Variants in CXADR observed in about 807,000 individuals in gnomAD.
The protein encoded by CXADR is CXADR cell adhesion molecule.
CXADR carries 20 observed loss-of-function variants against 40.3 expected under a neutral mutation model. The observed-to-expected ratio is 0.50, with a 90% CI of 0.35 to 0.72. The LOEUF (loss-of-function observed/expected upper bound fraction) is 0.72. Among genes scored for constraint, CXADR ranks in the 30% least tolerant of loss-of-function variants. CXADR has a pLI of 0.01. For missense variants in CXADR, 332 were observed against 449.1 expected, an observed-to-expected ratio of 0.74 and a Z score of 2.36; for synonymous variants, 150 against 161.3, an observed-to-expected ratio of 0.93 and a Z score of 0.53.
intron 1 of CXADR, among the ~76,000 whole-genome samples, chr21:17,520,630 C>G (rs2060519156): frequency 6.6e-6 from 1 of 152,140 alleles, no homozygotes; most frequent in Admixed American, 6.5e-5. Flanking sequence ...TGTAGCAGTT[C>G]TCAAGGAAGG....
chr21:17,568,557 CTTTTTTT>C lies in CXADR; in HGVS notation c.*2876_*2882del. ...TTACTGTAGAATATATAGTTCTGTA[CTTTTTTT>C]TTTTTTTTTTAAGAGATAGGGTTTC... On this transcript the variant is annotated 3_prime_UTR_variant, in exon 7 of 7. Coordinates refer to ENST00000284878, the MANE Select transcript of CXADR (RefSeq NM_001338.5). The C allele has an allele frequency of 3.4e-6, 3 of 879,894 alleles. No individual in the cohort carries two copies. Among genetic ancestry groups the C allele is most frequent in the Non-Finnish European group, 4.0e-6 (3 of 744,594 alleles). The allele number at this position is 879,894 out of a possible 1,614,324, so 54.5% of individuals were successfully genotyped here. A position where few individuals can be genotyped will look rare whatever the true frequency, so the allele number is the denominator to read the frequency against.
At chr21:17,618,081 G>T in the CXADR span, among the ~76,000 whole-genome samples, 1 of 152,144 alleles carries the variant, frequency 6.6e-6, no homozygotes, top group Non-Finnish European at 1.5e-5. Flanking sequence ...GCCAGGCACC[G>T]TGGCTCACAC....
intron 1 of CXADR, among the ~76,000 whole-genome samples, chr21:17,532,642 G>A (rs1465096393): frequency 2.0e-5 from 3 of 149,904 alleles, no homozygotes; most frequent in African/African-American, 4.8e-5. Context: ...GGAAGGCACT[G>A]CTAAATGCCT....
intron 6 of CXADR, among the ~76,000 whole-genome samples, chr21:17,562,112 A>G (rs186641138): frequency 1.6e-4 from 25 of 151,620 alleles, no homozygotes; most frequent in Admixed American, 1.6e-3. Context: ...TAAAATGTGC[A>G]GTAGCATTAT....
the CXADR span, among the ~76,000 whole-genome samples, chr21:17,607,044 C>G: frequency 2.0e-5 from 3 of 152,184 alleles, no homozygotes; most frequent in Admixed American, 2.0e-4. Context: ...ACTGAAGTCT[C>G]TACTAACTTG....
At chr21:17,545,153 C>CTA (rs1600993191) in intron 1 of CXADR, among the ~76,000 whole-genome samples, 1 of 141,964 alleles carries the variant, frequency 7.0e-6, no homozygotes, top group Non-Finnish European at 1.5e-5. Flanking sequence ...TGAACCATAC[C>CTA]ATATCTTAGT....
downstream of CXADR, among the ~76,000 whole-genome samples, chr21:17,596,791 A>G (rs960239028): frequency 3.9e-5 from 6 of 152,098 alleles, no homozygotes; most frequent in African/African-American, 1.2e-4. Context: ...TAAGATGTTC[A>G]TTGATACTGA....
At chr21:17,574,719 G>C (rs2824372), downstream of CXADR, among the ~76,000 whole-genome samples, 27,406 of 152,086 alleles carry the variant, frequency 0.18, 2,602 homozygotes, top group East Asian at 0.25. Flanking sequence ...AGAAGTAAAG[G>C]TAGTGATCAG....
chr21:17,573,253 T>C (rs1033096273), downstream of CXADR, among the ~76,000 whole-genome samples: 2 of 152,122 alleles, frequency 1.3e-5, no homozygotes, highest in African/African-American at 2.4e-5. Context: ...CTCAACTAAT[T>C]GCGTCTGTAG....
intron 7 of CXADR, among the ~76,000 whole-genome samples, chr21:17,582,594 C>T (rs1330410537): frequency 2.0e-5 from 3 of 152,200 alleles, no homozygotes; most frequent in Non-Finnish European, 4.4e-5. Context: ...GCAGAAACAT[C>T]TTTACATCTA....
chr21:17,570,377 A>T (rs144825897), downstream of CXADR, among the ~76,000 whole-genome samples: 10 of 152,318 alleles, frequency 6.6e-5, no homozygotes, highest in Admixed American at 1.3e-4. Flanking sequence ...AATTTACAGT[A>T]TAAACTCAAA....
chr21:17,598,545 C>A, downstream of CXADR: 1 of 1,313,860 alleles, frequency 7.6e-7, no homozygotes, highest in Non-Finnish European at 1.1e-6. Context: ...TGGGCAATGC[C>A]AAGTAGGACT....
the CXADR span, among the ~76,000 whole-genome samples, chr21:17,632,764 G>T: frequency 6.6e-6 from 1 of 152,142 alleles, no homozygotes; most frequent in Non-Finnish European, 1.5e-5. Flanking sequence ...AGCTACTCAG[G>T]AGGCCGAGGC....
chr21:17,546,591 T>A (rs1400522492), intron 1 of CXADR, among the ~76,000 whole-genome samples: 2 of 152,006 alleles, frequency 1.3e-5, no homozygotes. Context: ...AAGGGGGAAA[T>A]CCACCCCCAT....
At chr21:17,577,068 A>G (rs923978975) in intron 7 of CXADR, among the ~76,000 whole-genome samples, 4 of 152,074 alleles carry the variant, frequency 2.6e-5, no homozygotes, top group African/African-American at 2.4e-5. Context: ...GTGTGACATC[A>G]TTTACTGTGT....
chr21:17,517,376 C>T lies in CXADR; in HGVS notation c.43+4204C>T, dbSNP rs572468569. Among the ~76,000 whole-genome samples the T allele has an allele frequency of 1.5e-3, 228 of 152,208 alleles. 2 individuals are homozygous for T. The highest frequency in any genetic ancestry group is 5.3e-3 in the African/African-American group (221 of 41,498). ...TGCAGGAGGGTATAGTGAGCAGCTACAATAGTAAGATCCAACCCAGAGGTA... is the reference window on the plus strand; with the variant it reads ...TGCAGGAGGGTATAGTGAGCAGCTATAATAGTAAGATCCAACCCAGAGGTA... On this transcript the variant is annotated intron_variant, in intron 1 of 6. Transcript: ENST00000284878.
chr21:17,604,315 G>A, the CXADR span: 2 of 227,370 alleles, frequency 8.8e-6, no homozygotes, highest in Non-Finnish European at 1.9e-5. Flanking sequence ...CACAGTGGTG[G>A]GCGCCTGTAA....
At chr21:17,514,188 A>G (rs905453719) in intron 1 of CXADR, among the ~76,000 whole-genome samples, 10 of 152,236 alleles carry the variant, frequency 6.6e-5, no homozygotes, top group South Asian at 4.1e-4. Flanking sequence ...CGCACTTAGT[A>G]TAGCCTCTGG....
At chr21:17,536,985 T>TG (rs1362426901) in intron 1 of CXADR, among the ~76,000 whole-genome samples, 1 of 152,070 alleles carries the variant, frequency 6.6e-6, no homozygotes, top group African/African-American at 2.4e-5. Flanking sequence ...CTCAAACTCT[T>TG]GACCTCAAAT....
Sources: allele counts gnomAD v4.1 joint callset (sites outside exome capture counted in the v4.1 genomes callset), GRCh38; gene constraint gnomAD v4.1.1; transcripts MANE v1.5; gene names NCBI Gene and HGNC (gene_info 2026-07-23, HGNC 2026-07-21).